The following TENM3 variants were observed in gnomAD, a reference collection of about 807,000 sequenced individuals.
The protein encoded by TENM3 is teneurin transmembrane protein 3.
TENM3 carries 63 observed loss-of-function variants against 255.1 expected under a neutral mutation model. The observed-to-expected ratio is 0.25, with a 90% CI of 0.20 to 0.30. TENM3 has a LOEUF of 0.30. Among genes scored for constraint, TENM3 ranks in the 10% least tolerant of loss-of-function variants. The pLI, the probability that TENM3 is intolerant of heterozygous loss-of-function variation, is 1.00. For missense variants in TENM3, 2,929 were observed against 3,461.1 expected (o/e 0.85, Z 3.86); for synonymous variants, 1,306 against 1,322.3 (o/e 0.99, Z 0.27).
chr4:182,364,478 G>A (rs546398365), intron 3 of TENM3, among the ~76,000 whole-genome samples: 9 of 152,008 alleles, frequency 5.9e-5, no homozygotes, highest in Admixed American at 2.0e-4. Context: ...ATGCAGTGGC[G>A]CGATCTCGGC....
chr4:182,213,650 A>T (rs1046384706), intron 1 of TENM3, among the ~76,000 whole-genome samples: 7 of 152,216 alleles, frequency 4.6e-5, no homozygotes, highest in Non-Finnish European at 8.8e-5. Context: ...ATTTAATGTC[A>T]TCTCAGTCAT....
intron 1 of TENM3, among the ~76,000 whole-genome samples, chr4:182,186,554 T>C (rs571560474): frequency 8.9e-4 from 134 of 151,142 alleles, no homozygotes; most frequent in African/African-American, 2.7e-3. Context: ...ATTTATTACA[T>C]GTTATTTACC....
chr4:181,613,813 A>T, the TENM3 span, among the ~76,000 whole-genome samples: 1 of 152,188 alleles, frequency 6.6e-6, no homozygotes, highest in Non-Finnish European at 1.5e-5. Context: ...TTAAGATGTG[A>T]TTTAACTTTT....
At chr4:182,734,608 G>A (rs1761026733) in intron 16 of TENM3, among the ~76,000 whole-genome samples, 1 of 152,204 alleles carries the variant, frequency 6.6e-6, no homozygotes, top group African/African-American at 2.4e-5. Flanking sequence ...GGGATTGGAA[G>A]ATAGAATTGG....
intron 3 of TENM3, among the ~76,000 whole-genome samples, chr4:182,497,882 A>C (rs1027268279): frequency 8.1e-5 from 11 of 135,134 alleles, no homozygotes; most frequent in Non-Finnish European, 1.3e-4. Context: ...ATATATATAT[A>C]TCTCAACCTA....
chr4:182,434,956 A>G (rs556085404), intron 3 of TENM3, among the ~76,000 whole-genome samples: 1 of 152,332 alleles, frequency 6.6e-6, no homozygotes, highest in East Asian at 1.9e-4. Flanking sequence ...CAATGAGTAC[A>G]GGAAAGGCAT....
the TENM3 span, among the ~76,000 whole-genome samples, chr4:181,506,555 G>A: frequency 6.6e-6 from 1 of 151,964 alleles, no homozygotes; most frequent in African/African-American, 2.4e-5. Context: ...ACCGAGATAC[G>A]CTGTCCGGCA....
At chr4:181,768,141 A>G in the TENM3 span, among the ~76,000 whole-genome samples, 2 of 152,216 alleles carry the variant, frequency 1.3e-5, no homozygotes, top group African/African-American at 2.4e-5. Flanking sequence ...AAGGACATGA[A>G]GTACAATTAT....
the TENM3 span, among the ~76,000 whole-genome samples, chr4:181,537,153 T>C: frequency 6.6e-6 from 1 of 152,148 alleles, no homozygotes; most frequent in African/African-American, 2.4e-5. Context: ...TTTTCCGAAA[T>C]ACTGAGGCAG....
At chr4:182,605,482 A>AT (rs200212050) in intron 4 of TENM3, among the ~76,000 whole-genome samples, 68 of 88,004 alleles carry the variant, frequency 7.7e-4, no homozygotes, top group South Asian at 2.9e-3. Context: ...ATCATCATTT[A>AT]TTTAAAAAAA....
chr4:181,449,609 C>T, the TENM3 span, among the ~76,000 whole-genome samples: 688 of 152,100 alleles, frequency 4.5e-3, 2 homozygotes, highest in African/African-American at 0.015. Context: ...TGTAGTGAAA[C>T]CCCATCTCTA....
chr4:181,506,955 C>A, the TENM3 span, among the ~76,000 whole-genome samples: 1 of 152,164 alleles, frequency 6.6e-6, no homozygotes, highest in East Asian at 1.9e-4. Flanking sequence ...TAGCAACAGG[C>A]AGCATTACAA....
intron 3 of TENM3, among the ~76,000 whole-genome samples, chr4:182,563,488 G>A (rs967141267): frequency 2.0e-5 from 3 of 150,342 alleles, no homozygotes; most frequent in Non-Finnish European, 4.5e-5. Context: ...ACTTTTACTT[G>A]ATATAATTCA....
At chr4:182,458,649 C>T (rs570255960) in intron 3 of TENM3, among the ~76,000 whole-genome samples, 32 of 152,244 alleles carry the variant, frequency 2.1e-4, no homozygotes, top group South Asian at 1.2e-3. Context: ...GGTAATAAAA[C>T]ATAATGTGAA....
At chr4:182,080,733 C>T in the TENM3 span, among the ~76,000 whole-genome samples, 28 of 152,242 alleles carry the variant, frequency 1.8e-4, 1 homozygote, top group South Asian at 4.0e-3. Context: ...GGCTCGCGCC[C>T]GTAATCCCAG....
At chr4:181,690,873 A>C in the TENM3 span, among the ~76,000 whole-genome samples, 7 of 152,182 alleles carry the variant, frequency 4.6e-5, no homozygotes, top group African/African-American at 1.7e-4. Flanking sequence ...TATTTTTAAG[A>C]ATTTAATTAA....
At chr4:182,538,157 G>C (rs951880487) in intron 3 of TENM3, among the ~76,000 whole-genome samples, 2 of 152,108 alleles carry the variant, frequency 1.3e-5, no homozygotes, top group Admixed American at 6.5e-5. Flanking sequence ...GCATCCGCAC[G>C]TCTCTTCTGT....
At chr4:181,955,746 T>G in the TENM3 span, among the ~76,000 whole-genome samples, 1 of 152,096 alleles carries the variant, frequency 6.6e-6, no homozygotes, top group South Asian at 2.1e-4. Flanking sequence ...GTAGAAAGAG[T>G]GCTTTAAGAA....
At chr4:182,720,957 G>A (rs112691597) in intron 13 of TENM3, among the ~76,000 whole-genome samples, 400 of 151,960 alleles carry the variant, frequency 2.6e-3, no homozygotes, top group African/African-American at 9.1e-3. Context: ...TAGTAGAGAC[G>A]AGATTTCACC....
Sources: allele counts gnomAD v4.1 joint callset (sites outside exome capture counted in the v4.1 genomes callset), GRCh38; gene constraint gnomAD v4.1.1; transcripts MANE v1.5; gene names NCBI Gene and HGNC (gene_info 2026-07-23, HGNC 2026-07-21).